Variants in CACNA2D3 observed in about 807,000 individuals in gnomAD.
CACNA2D3 encodes the protein calcium voltage-gated channel auxiliary subunit alpha2delta 3.
Under a neutral mutation model 160.6 loss-of-function variants are expected in CACNA2D3, and 60 were observed. The observed-to-expected ratio is 0.37, with a 90% confidence interval of 0.30 to 0.46. The LOEUF is 0.46. Ranked by LOEUF, CACNA2D3 falls within the 20% of genes least tolerant of loss-of-function variation. CACNA2D3 has a pLI of 1.00. For synonymous variants in CACNA2D3, 558 were observed against 492.9 expected, an observed-to-expected ratio of 1.13 and a Z score of -1.75; for missense variants, 1,205 against 1,365.0, an observed-to-expected ratio of 0.88 and a Z score of 1.85.
At chr3:54,419,963 A>G (rs1699812469) in intron 4 of CACNA2D3, among the ~76,000 whole-genome samples, 1 of 151,926 alleles carries the variant, frequency 6.6e-6, no homozygotes. Context: ...ACGGGGTTTC[A>G]CCATGTTGGT....
At chr3:54,806,036 A>G (rs1703112341) in intron 13 of CACNA2D3, among the ~76,000 whole-genome samples, 1 of 152,226 alleles carries the variant, frequency 6.6e-6, no homozygotes, top group Non-Finnish European at 1.5e-5. Flanking sequence ...TAAATTAGGT[A>G]TTGATGAGAC....
rs192791662 is a variant in CACNA2D3, at chr3:54,122,647, C to T, written c.-67C>T. ...CAGCCCCGCGCGCTCGCCCACCGCCCGCTCCGCGCAGCTCCCCGCGGCCGC... is the reference window on the plus strand; with the variant it reads ...CAGCCCCGCGCGCTCGCCCACCGCCTGCTCCGCGCAGCTCCCCGCGGCCGC... On this transcript the variant is annotated 5_prime_UTR_variant, in exon 1 of 38. Coordinates refer to ENST00000474759, the MANE Select transcript of CACNA2D3 (RefSeq NM_018398.3). 6.4e-4 allele frequency: 631 copies of T among 984,960 alleles called. 3 individuals carry two copies. In the African/African-American group the frequency reaches 0.011, roughly 17 times the overall value. The allele number at this position is 984,960 out of a possible 1,614,324, so 61.0% of individuals were successfully genotyped here. A position where few individuals can be genotyped will look rare whatever the true frequency, so the allele number is the denominator to read the frequency against.
chr3:54,841,199 T>C (rs1437292592), intron 16 of CACNA2D3, among the ~76,000 whole-genome samples: 1 of 152,256 alleles, frequency 6.6e-6, no homozygotes, highest in East Asian at 1.9e-4. Flanking sequence ...ATTATTCCTG[T>C]TGAATTCTTA....
intron 31 of CACNA2D3, among the ~76,000 whole-genome samples, chr3:54,996,403 G>T (rs953385353): frequency 6.6e-6 from 1 of 152,202 alleles, no homozygotes; most frequent in Non-Finnish European, 1.5e-5. Context: ...TGCGTGAATG[G>T]GCAAACCAGC....
chr3:54,164,495 C>A (rs750040442), intron 2 of CACNA2D3, among the ~76,000 whole-genome samples: 54 of 152,224 alleles, frequency 3.5e-4, no homozygotes, highest in Non-Finnish European at 5.9e-4. Flanking sequence ...ACTTTCTCAA[C>A]CCCTGTGTTT....
chr3:54,781,126 A>G (rs1259391168), intron 13 of CACNA2D3, among the ~76,000 whole-genome samples: 1 of 152,206 alleles, frequency 6.6e-6, no homozygotes, highest in Non-Finnish European at 1.5e-5. Context: ...CAGATTTTCA[A>G]CCAAGTACAA....
intron 4 of CACNA2D3, among the ~76,000 whole-genome samples, chr3:54,464,374 G>A (rs1015411249): frequency 6.6e-6 from 1 of 152,230 alleles, no homozygotes; most frequent in Non-Finnish European, 1.5e-5. Context: ...CCTGCCCCCA[G>A]AGGTGGAGCC....
At chr3:54,700,509 A>G (rs1448432350) in intron 11 of CACNA2D3, among the ~76,000 whole-genome samples, 2 of 152,224 alleles carry the variant, frequency 1.3e-5, no homozygotes, top group Non-Finnish European at 2.9e-5. Context: ...CAGCACAAAT[A>G]TATAATATTT....
intron 2 of CACNA2D3, among the ~76,000 whole-genome samples, chr3:54,304,607 C>A (rs1378636452): frequency 6.6e-6 from 1 of 152,070 alleles, no homozygotes; most frequent in Non-Finnish European, 1.5e-5. Flanking sequence ...ATTACATCTA[C>A]CATCTGATTG....
intron 17 of CACNA2D3, among the ~76,000 whole-genome samples, chr3:54,862,660 A>G (rs960743073): frequency 6.6e-6 from 1 of 152,140 alleles, no homozygotes; most frequent in Admixed American, 6.5e-5. Context: ...ACTAGAGTCC[A>G]CTGCCCAGGG....
chr3:54,588,894 T>G (rs978916772), intron 9 of CACNA2D3, among the ~76,000 whole-genome samples: 2 of 151,140 alleles, frequency 1.3e-5, no homozygotes, highest in African/African-American at 4.8e-5. Context: ...GGTTTAATAT[T>G]TATATATTTA....
At chr3:55,025,317 G>C (rs1703542882) in intron 35 of CACNA2D3, among the ~76,000 whole-genome samples, 1 of 152,044 alleles carries the variant, frequency 6.6e-6, no homozygotes. Flanking sequence ...GGTGCTTTGG[G>C]GAATGCCAAG....
At chr3:54,444,004 G>A (rs997915712) in intron 4 of CACNA2D3, among the ~76,000 whole-genome samples, 1 of 152,170 alleles carries the variant, frequency 6.6e-6, no homozygotes, top group African/African-American at 2.4e-5. Context: ...GAAAGCACCA[G>A]GGGATGGCCA....
At chr3:55,008,024 G>A (rs1481357214) in intron 33 of CACNA2D3, among the ~76,000 whole-genome samples, 182 bp downstream of exon 33, 1 of 152,112 alleles carries the variant, frequency 6.6e-6, no homozygotes, top group Admixed American at 6.6e-5. Flanking sequence ...CTTCTATTAA[G>A]TGACTGTTGA....
chr3:54,128,040 C>T (rs1347780663), intron 2 of CACNA2D3, among the ~76,000 whole-genome samples: 3 of 152,010 alleles, frequency 2.0e-5, no homozygotes, highest in Non-Finnish European at 4.4e-5. Context: ...CCAACAGATG[C>T]TACTCAAAAT....
chr3:54,496,419 T>C (rs374902464), intron 4 of CACNA2D3, among the ~76,000 whole-genome samples: 108 of 152,342 alleles, frequency 7.1e-4, no homozygotes, highest in African/African-American at 2.5e-3. Context: ...ATTGAACACA[T>C]GTTGGTCTGC....
chr3:54,816,602 A>G (rs1703463702), intron 13 of CACNA2D3, among the ~76,000 whole-genome samples: 2 of 152,204 alleles, frequency 1.3e-5, no homozygotes, highest in Non-Finnish European at 2.9e-5. Context: ...ACTGCTTTGG[A>G]TGTGGTGATT....
intron 2 of CACNA2D3, among the ~76,000 whole-genome samples, chr3:54,275,789 T>C (rs893709320): frequency 2.0e-5 from 3 of 152,020 alleles, no homozygotes; most frequent in African/African-American, 7.2e-5. Context: ...GGCTAATTTT[T>C]ATGTTTTTAG....
chr3:54,811,465 CTTTTTTTTTTTTTTTTTT>C (rs71096451), intron 13 of CACNA2D3, among the ~76,000 whole-genome samples: 4 of 111,620 alleles, frequency 3.6e-5, no homozygotes, highest in Non-Finnish European at 3.6e-5. Flanking sequence ...TCCCTCAGTT[CTTTTTTTTTTTTTTTTTT>C]TTTTTTTTTT....
Sources: allele counts gnomAD v4.1 joint callset (sites outside exome capture counted in the v4.1 genomes callset), GRCh38; gene constraint gnomAD v4.1.1; transcripts MANE v1.5; gene names NCBI Gene and HGNC (gene_info 2026-07-23, HGNC 2026-07-21).